The following BACH2 variants were observed in gnomAD, a reference collection of about 807,000 sequenced individuals.
BACH2 encodes transcription regulator protein BACH2.
A neutral mutation model predicts 61.8 loss-of-function variants in BACH2; 5 were observed. The ratio of observed to expected loss-of-function variants is 0.08; its 90% confidence interval spans 0.04 to 0.17. The LOEUF is 0.17. BACH2 is among the 10% of genes least tolerant of loss of function. The pLI is 1.00. For synonymous variants in BACH2, 446 were observed against 440.1 expected (o/e 1.01, Z -0.17); for missense variants, 824 against 1,091.1 (o/e 0.76, Z 3.45).
chr6:90,039,014 T>C (rs1413716133), intron 5 of BACH2, among the ~76,000 whole-genome samples: 3 of 147,452 alleles, frequency 2.0e-5, no homozygotes, highest in Non-Finnish European at 3.0e-5. Context: ...CACCCCAGCC[T>C]GGGAAACAAG....
rs1281213904 is a variant in BACH2, at chr6:90,194,988, C to A, written c.-162+11581G>T. On this transcript the variant is annotated intron_variant, in intron 4 of 8. Transcript: ENST00000257749. ...TTTCTTGATGAGAAGAAATCATAGTCACAGTAATTCTAATATAAACTACAC... is the reference window on the plus strand; with the variant it reads ...TTTCTTGATGAGAAGAAATCATAGTAACAGTAATTCTAATATAAACTACAC... Among the ~76,000 whole-genome samples, 3 of 152,120 alleles carry A rather than the reference C, an allele frequency of 2.0e-5. No individual in the cohort carries two copies. The East Asian group carries it at 5.8e-4, about 29-fold the overall frequency.
intron 5 of BACH2, among the ~76,000 whole-genome samples, chr6:90,079,073 C>T (rs542838951): frequency 3.3e-5 from 5 of 152,296 alleles, no homozygotes; most frequent in South Asian, 2.1e-4. Context: ...AATGGGATTG[C>T]GAAGGCACAA....
chr6:90,249,193 T>C (rs943622776), intron 3 of BACH2, among the ~76,000 whole-genome samples: 1 of 152,166 alleles, frequency 6.6e-6, no homozygotes, highest in Admixed American at 6.5e-5. Context: ...GTGACTGTCT[T>C]TGCCATGGGA....
intron 1 of BACH2, among the ~76,000 whole-genome samples, chr6:90,296,184 C>G (rs1772372509): frequency 1.3e-5 from 2 of 152,082 alleles, no homozygotes; most frequent in Middle Eastern, 3.4e-3. Context: ...TTCCAAAACA[C>G]CCTTCGACGC....
At position 90,002,477 on chromosome 6, in the gene BACH2, T is replaced by C. The variant is rs182932233; in HGVS notation, c.243+6125A>G. Among the ~76,000 whole-genome samples the C allele has an allele frequency of 7.9e-5, 12 of 152,220 alleles. No homozygotes were observed. The East Asian group carries it at 2.3e-3, about 29-fold the overall frequency. On this transcript the variant is annotated intron_variant, in intron 6 of 8. Transcript: ENST00000257749. The stretch of plus-strand genomic sequence containing the variant: ...CAACAGGCATCTCAAACTTAATATA[T>C]ACAAAATAGAAGGCCGGGCATGGTG...
chr6:90,115,416 C>T (rs1389537577), intron 4 of BACH2, among the ~76,000 whole-genome samples: 8 of 151,698 alleles, frequency 5.3e-5, no homozygotes, highest in African/African-American at 1.2e-4. Flanking sequence ...AAACAAGCAA[C>T]GGGAAAAAGA....
At chr6:90,275,702 G>A (rs534808228) in intron 1 of BACH2, among the ~76,000 whole-genome samples, 7 of 152,066 alleles carry the variant, frequency 4.6e-5, no homozygotes, top group South Asian at 2.1e-4. Flanking sequence ...CTGGATGGGC[G>A]TAGCGGCTCA....
At chr6:90,275,648 T>TC (rs1771667366) in intron 1 of BACH2, among the ~76,000 whole-genome samples, 1 of 151,416 alleles carries the variant, frequency 6.6e-6, no homozygotes, top group Non-Finnish European at 1.5e-5. Context: ...CTCTTCCCCC[T>TC]CCTCCCACTC....
chr6:89,995,213 G>A (rs1008103227), intron 6 of BACH2, among the ~76,000 whole-genome samples: 5 of 152,108 alleles, frequency 3.3e-5, no homozygotes, highest in Non-Finnish European at 7.4e-5. Flanking sequence ...GCAAGAAGTT[G>A]TCCTGTAGAA....
intron 4 of BACH2, among the ~76,000 whole-genome samples, chr6:90,103,443 T>C (rs959686943): frequency 2.0e-5 from 3 of 152,134 alleles, no homozygotes. Context: ...GAGATCCTGG[T>C]ATTTCGGTTT....
chr6:89,999,233 T>C (rs1275741174), intron 6 of BACH2, among the ~76,000 whole-genome samples: 1 of 152,216 alleles, frequency 6.6e-6, no homozygotes, highest in Non-Finnish European at 1.5e-5. Context: ...TATTGGCAAA[T>C]GAGGACAGGT....
At chr6:90,055,339 T>C (rs4706354) in intron 5 of BACH2, among the ~76,000 whole-genome samples, 58,435 of 151,978 alleles carry the variant, frequency 0.38, 12,243 homozygotes, top group East Asian at 0.68. Flanking sequence ...GAAGCCTCAG[T>C]AGCCGATTCG....
chr6:90,193,485 C>T (rs1196727658), intron 4 of BACH2, among the ~76,000 whole-genome samples: 1 of 152,172 alleles, frequency 6.6e-6, no homozygotes, highest in African/African-American at 2.4e-5. Flanking sequence ...ACCCTGCTGA[C>T]ACCTTGATCT....
chr6:90,083,756 T>C (rs1173570367), intron 5 of BACH2, among the ~76,000 whole-genome samples: 3 of 152,194 alleles, frequency 2.0e-5, no homozygotes, highest in Admixed American at 6.5e-5. Flanking sequence ...AATGGTATAT[T>C]GTTCTGTCCT....
chr6:89,992,377 A>T (rs1301206529), intron 6 of BACH2, among the ~76,000 whole-genome samples: 3 of 152,250 alleles, frequency 2.0e-5, no homozygotes, highest in African/African-American at 7.2e-5. Context: ...GATGTGGCTC[A>T]TGCCTATAAT....
At chr6:90,064,217 C>T (rs1780829054) in intron 5 of BACH2, among the ~76,000 whole-genome samples, 1 of 152,066 alleles carries the variant, frequency 6.6e-6, no homozygotes, top group Non-Finnish European at 1.5e-5. Flanking sequence ...CAACTTGGCA[C>T]CTTGTGAATG....
intron 5 of BACH2, among the ~76,000 whole-genome samples, chr6:90,046,148 C>G (rs766138303): frequency 6.6e-6 from 1 of 152,124 alleles, no homozygotes; most frequent in Non-Finnish European, 1.5e-5. Flanking sequence ...CTGCTGGCTG[C>G]CAATGAGAGC....
intron 2 of BACH2, among the ~76,000 whole-genome samples, chr6:90,271,518 TC>T (rs1256296451): frequency 3.9e-5 from 6 of 152,108 alleles, no homozygotes; most frequent in Non-Finnish European, 8.8e-5. Context: ...ATGTGGTTTT[TC>T]TCATGTTTAT....
At chr6:90,091,912 A>C (rs1297598443) in intron 4 of BACH2, among the ~76,000 whole-genome samples, 1 of 152,166 alleles carries the variant, frequency 6.6e-6, no homozygotes, top group Non-Finnish European at 1.5e-5. Context: ...CCTGATAATT[A>C]GGTGTCAACG....
Sources: gnomAD v4.1 joint callset for allele counts (sites outside exome capture counted in the v4.1 genomes callset) on GRCh38, gnomAD v4.1.1 for gene constraint, MANE v1.5 for transcripts, NCBI Gene and HGNC (gene_info 2026-07-23, HGNC 2026-07-21) for gene names.